Variants in TSGA10 observed in about 807,000 individuals in gnomAD.
The protein encoded by TSGA10 is testis-specific gene 10 protein.
A neutral mutation model predicts 96.6 loss-of-function variants in TSGA10; 43 were observed. The observed-to-expected ratio is 0.44, with a 90% CI of 0.35 to 0.57. TSGA10 has a LOEUF of 0.57. TSGA10 is among the 20% of genes least tolerant of loss of function. The pLI is 0.01. For missense variants in TSGA10, 703 were observed against 834.4 expected (o/e 0.84, Z 1.94); for synonymous variants, 229 against 269.9 (o/e 0.85, Z 1.48).
intron 12 of TSGA10, among the ~76,000 whole-genome samples, chr2:99,076,408 T>C (rs1175452895): frequency 6.6e-6 from 1 of 152,168 alleles, no homozygotes. Flanking sequence ...AATAAAGACC[T>C]AATTGTAACA....
chr2:99,046,371 G>GT (rs2082774985), intron 16 of TSGA10, among the ~76,000 whole-genome samples: 1 of 152,114 alleles, frequency 6.6e-6, no homozygotes, highest in Non-Finnish European at 1.5e-5. Flanking sequence ...ATAACAAACT[G>GT]TCTCTCAGAC....
At chr2:99,133,027 A>G (rs562812962) in intron 1 of TSGA10, among the ~76,000 whole-genome samples, 1 of 152,234 alleles carries the variant, frequency 6.6e-6, no homozygotes, top group South Asian at 2.1e-4. Flanking sequence ...TCAATTTTAG[A>G]ATAAGTGTGA....
In TSGA10 at chr2:99,098,662, T is replaced by C. The variant is rs140107266; in HGVS notation, c.611+5305A>G. On this transcript the variant is annotated intron_variant, in intron 10 of 20. Coordinates refer to ENST00000393483, the MANE Select transcript of TSGA10 (RefSeq NM_025244.4). ...GTTGGTCTTTGGAAAAAACTAATAA[T>C]AACCACCAACTGCAGAATAGAAAAA... 1.2e-4 allele frequency among the ~76,000 whole-genome samples: 18 copies of C among 151,916 alleles called. No individual in the cohort carries two copies. The East Asian group carries it at 3.1e-3, about 26-fold the overall frequency.
At chr2:99,086,500 T>C (rs2088412776) in intron 10 of TSGA10, among the ~76,000 whole-genome samples, 1 of 152,216 alleles carries the variant, frequency 6.6e-6, no homozygotes, top group South Asian at 2.1e-4. Flanking sequence ...ATTATGATCA[T>C]ATCAACAGAT....
chr2:99,081,199 A>G (rs949359614), intron 11 of TSGA10, 83 bp downstream of exon 11: 3 of 671,032 alleles, frequency 4.5e-6, no homozygotes, highest in Middle Eastern at 3.6e-4. Context: ...AAGTTTTTCT[A>G]TGTTATACTG....
intron 17 of TSGA10, among the ~76,000 whole-genome samples, chr2:99,021,498 A>G (rs12473029): frequency 0.36 from 54,989 of 152,030 alleles, 11,201 homozygotes; most frequent in African/African-American, 0.56. Context: ...CAAGTAAATT[A>G]TAAACGTATG....
At chr2:99,015,305 T>C (rs1248957963) in intron 20 of TSGA10, among the ~76,000 whole-genome samples, 1 of 152,094 alleles carries the variant, frequency 6.6e-6, no homozygotes, top group Non-Finnish European at 1.5e-5. Flanking sequence ...ACCAAGTGAG[T>C]TGCATACCAG....
intron 2 of TSGA10, chr2:99,126,635 G>GTC (rs1448535669): frequency 6.3e-6 from 1 of 158,718 alleles, no homozygotes; most frequent in African/African-American, 2.4e-5. Flanking sequence ...AGGAGAACAG[G>GTC]AACAATACTG....
chr2:99,133,388 T>C (rs1035301840), intron 1 of TSGA10, among the ~76,000 whole-genome samples: 4 of 152,248 alleles, frequency 2.6e-5, no homozygotes, highest in African/African-American at 9.6e-5. Context: ...GTCTGTTTTA[T>C]CAGAGACTAG....
At chr2:99,112,206 GGTAAA>G (rs1163389987) in intron 4 of TSGA10, among the ~76,000 whole-genome samples, 2 of 151,870 alleles carry the variant, frequency 1.3e-5, no homozygotes, top group Non-Finnish European at 2.9e-5. Flanking sequence ...TTATGTGCTG[GGTAAA>G]GTAATGAATA....
At chr2:99,001,786 C>T (rs558670445) in intron 20 of TSGA10, among the ~76,000 whole-genome samples, 1 of 152,264 alleles carries the variant, frequency 6.6e-6, no homozygotes, top group East Asian at 1.9e-4. Context: ...TAGAGAAGAC[C>T]TTAAATGACC....
intron 10 of TSGA10, among the ~76,000 whole-genome samples, chr2:99,083,084 C>T (rs934039400): frequency 1.8e-4 from 27 of 151,882 alleles, no homozygotes; most frequent in African/African-American, 5.8e-4. Context: ...ACATAAAAGA[C>T]AGAATAAGAA....
intron 16 of TSGA10, 69 bp from the exon 17 acceptor site, chr2:99,035,508 A>T: frequency 9.0e-7 from 1 of 1,116,458 alleles, no homozygotes; most frequent in Non-Finnish European, 1.2e-6. Context: ...TATAACATGG[A>T]AAAATGAAGT....
At chr2:99,150,596 C>G in intron 1 of TSGA10, 1 of 1,613,648 alleles carries the variant, frequency 6.2e-7, no homozygotes, top group Non-Finnish European at 8.5e-7. Flanking sequence ...ACTCAGGTAT[C>G]TGCTATACAT....
At chr2:99,101,338 C>A (rs1004931170) in intron 10 of TSGA10, among the ~76,000 whole-genome samples, 1 of 138,356 alleles carries the variant, frequency 7.2e-6, no homozygotes, top group Non-Finnish European at 1.6e-5. Flanking sequence ...TAAAAAGATA[C>A]TTTTATTTTT....
chr2:99,049,490 A>G (rs1417906683), intron 16 of TSGA10, among the ~76,000 whole-genome samples: 1 of 152,178 alleles, frequency 6.6e-6, no homozygotes, highest in African/African-American at 2.4e-5. Flanking sequence ...ACAGAAAACC[A>G]AACACCGCAT....
chr2:99,086,560 T>C (rs567857334), intron 10 of TSGA10, among the ~76,000 whole-genome samples: 2 of 152,266 alleles, frequency 1.3e-5, no homozygotes, highest in African/African-American at 4.8e-5. Context: ...ATAAGAACAC[T>C]CAGCAAATTA....
At chr2:99,020,809 G>T (rs1204379034) in intron 17 of TSGA10, among the ~76,000 whole-genome samples, 1 of 151,920 alleles carries the variant, frequency 6.6e-6, no homozygotes, top group Non-Finnish European at 1.5e-5. Flanking sequence ...TGTGAGCACT[G>T]CTTTGTCCTG....
intron 1 of TSGA10, among the ~76,000 whole-genome samples, chr2:99,138,679 G>A (rs1395477235): frequency 6.6e-6 from 1 of 152,178 alleles, no homozygotes; most frequent in African/African-American, 2.4e-5. Context: ...ACGTCATTAT[G>A]GGAAGAGAAA....
Sources: gnomAD v4.1 joint callset for allele counts (sites outside exome capture counted in the v4.1 genomes callset) on GRCh38, gnomAD v4.1.1 for gene constraint, MANE v1.5 for transcripts, NCBI Gene and HGNC (gene_info 2026-07-23, HGNC 2026-07-21) for gene names.